The following ITGBL1 variants were observed in gnomAD, a reference collection of about 807,000 sequenced individuals.
The protein encoded by ITGBL1 is integrin beta-like protein 1.
Under a neutral mutation model 68.5 loss-of-function variants are expected in ITGBL1, and 51 were observed. The ratio of observed to expected loss-of-function variants is 0.74; its 90% CI spans 0.59 to 0.94. The LOEUF (loss-of-function observed/expected upper bound fraction) is 0.94. ITGBL1 is among the 40% of genes least tolerant of loss of function. The pLI, the probability that ITGBL1 is intolerant of heterozygous loss-of-function variation, is 0.00. For missense variants in ITGBL1, 649 were observed against 647.4 expected (o/e 1.00, Z -0.03); for synonymous variants, 209 against 227.3 (o/e 0.92, Z 0.72).
At chr13:101,458,850 G>A in intron 2 of ITGBL1, among the ~76,000 whole-genome samples, 1 of 152,172 alleles carries the variant, frequency 6.6e-6, no homozygotes, top group South Asian at 2.1e-4. Flanking sequence ...CAGATATGGA[G>A]GCCCGACCGT....
intron 7 of ITGBL1, among the ~76,000 whole-genome samples, chr13:101,624,242 T>C (rs1322672245): frequency 6.6e-6 from 1 of 152,270 alleles, no homozygotes; most frequent in African/African-American, 2.4e-5. Flanking sequence ...TTTCTGCCGG[T>C]TTCTTTCTGT....
At position 101,671,426 on chromosome 13, in the gene ITGBL1, G is replaced by GTTTTTTTTTTTTTTTT. The variant is rs66501713; in HGVS notation, c.1016-21149_1016-21148insTTTTTTTTTTTTTTTT. Among the ~76,000 whole-genome samples, 43 of 112,636 alleles carry GTTTTTTTTTTTTTTTT rather than the reference G, an allele frequency of 3.8e-4. 10 individuals carry two copies. Among genetic ancestry groups the GTTTTTTTTTTTTTTTT allele is most frequent in the South Asian group, 1.4e-3 (4 of 2,792 alleles). The allele number at this position is 112,636 out of a possible 152,430, so 73.9% of individuals were successfully genotyped here. On this transcript the variant is annotated intron_variant, in intron 7 of 10. Transcript: ENST00000376180. ...AGCTATTTGACAAAAGTATACCTTT[G>GTTTTTTTTTTTTTTTT]TTTTTTTTTTGTTTTTTTTTGTTTT...
chr13:101,697,635 G>A (rs2034033191), intron 8 of ITGBL1, among the ~76,000 whole-genome samples: 1 of 152,156 alleles, frequency 6.6e-6, no homozygotes, highest in Non-Finnish European at 1.5e-5. Context: ...AACTTGGACA[G>A]GTTGTTTGTC....
chr13:101,718,817 G>A (rs553262899), downstream of ITGBL1: 1 of 151,622 alleles, frequency 6.6e-6, no homozygotes, highest in South Asian at 2.1e-4. Context: ...CTCAGCCTTA[G>A]TTTGCAGACT....
chr13:101,526,155 C>CT lies in ITGBL1; in HGVS notation c.317-41530dup, dbSNP rs66790287. On this transcript the variant is annotated intron_variant, in intron 2 of 10. Coordinates refer to ENST00000376180, the MANE Select transcript of ITGBL1 (RefSeq NM_004791.3). ...CTAGTTTCTTCTTCTTCTTCTTCTT[C>CT]TTTTTTTTTTTTTTAAATACTTTAA... Among the ~76,000 whole-genome samples, 700 of 136,554 alleles carry CT rather than the reference C, an allele frequency of 5.1e-3. 22 individuals are homozygous for CT. In the East Asian group the frequency reaches 0.083, roughly 16 times the overall value. 89.6% of individuals were successfully genotyped at this position (136,554 alleles called of 152,430 possible).
chr13:101,485,260 C>T (rs2048684498), intron 2 of ITGBL1, among the ~76,000 whole-genome samples: 1 of 152,134 alleles, frequency 6.6e-6, no homozygotes. Context: ...AAAGATGAAT[C>T]TACACTAAGT....
chr13:101,508,769 C>A (rs551374360), intron 2 of ITGBL1, among the ~76,000 whole-genome samples: 1 of 151,932 alleles, frequency 6.6e-6, no homozygotes, highest in African/African-American at 2.4e-5. Flanking sequence ...AAGTTTTTGT[C>A]CAGAGCTCAG....
intron 2 of ITGBL1, among the ~76,000 whole-genome samples, chr13:101,471,426 G>A (rs187597645): frequency 6.6e-6 from 1 of 152,098 alleles, no homozygotes; most frequent in African/African-American, 2.4e-5. Context: ...TTTCTCTTAG[G>A]TCTTTGTTGT....
At chr13:101,691,489 A>G (rs2033882229) in intron 7 of ITGBL1, among the ~76,000 whole-genome samples, 1 of 152,192 alleles carries the variant, frequency 6.6e-6, no homozygotes, top group Non-Finnish European at 1.5e-5. Context: ...GTGACTAACA[A>G]CATTGCAAGG....
At chr13:101,528,151 G>T (rs533179356) in intron 2 of ITGBL1, among the ~76,000 whole-genome samples, 1 of 150,876 alleles carries the variant, frequency 6.6e-6, no homozygotes, top group African/African-American at 2.4e-5. Flanking sequence ...AATATATATA[G>T]GTTTATTAAT....
rs12184644 is a variant in ITGBL1 at position 101,665,911 on chromosome 13, C to A, written c.1016-26674C>A. Among the ~76,000 whole-genome samples, 171 of 152,282 alleles carry A rather than the reference C, an allele frequency of 1.1e-3. 1 individual carries two copies. The highest frequency in any genetic ancestry group is 3.9e-3 in the African/African-American group (161 of 41,546). Reference sequence around the variant, plus strand: ...TATACTTATGTGAGGATCTGCCCAGCAACTGCCTGCCTAACCTTGGACGGA... The same window carrying A: ...TATACTTATGTGAGGATCTGCCCAGAAACTGCCTGCCTAACCTTGGACGGA... On this transcript the variant is annotated intron_variant, in intron 7 of 10. Transcript: ENST00000376180.
At chr13:101,519,838 A>G (rs2049255956) in intron 2 of ITGBL1, among the ~76,000 whole-genome samples, 1 of 152,138 alleles carries the variant, frequency 6.6e-6, no homozygotes, top group Admixed American at 6.6e-5. Flanking sequence ...ACTGACACTA[A>G]TGCTGTATTC....
chr13:101,591,586 C>T (rs2050655605), intron 6 of ITGBL1, among the ~76,000 whole-genome samples: 1 of 152,048 alleles, frequency 6.6e-6, no homozygotes, highest in Non-Finnish European at 1.5e-5. Flanking sequence ...AAAGCTTCTA[C>T]ATATGTGTAT....
At chr13:101,605,394 GTA>G (rs1332087263) in intron 7 of ITGBL1, among the ~76,000 whole-genome samples, 3 of 77,354 alleles carry the variant, frequency 3.9e-5, no homozygotes, top group African/African-American at 7.3e-5. Flanking sequence ...ATATGGGCAT[GTA>G]TGTGTGTATA....
chr13:101,649,091 A>G (rs887097983), intron 7 of ITGBL1, among the ~76,000 whole-genome samples: 1 of 152,222 alleles, frequency 6.6e-6, no homozygotes, highest in Non-Finnish European at 1.5e-5. Context: ...GAGTATGCAT[A>G]TGAATCAAGA....
At chr13:101,701,205 T>G (rs1223925255) in intron 8 of ITGBL1, among the ~76,000 whole-genome samples, 1 of 152,144 alleles carries the variant, frequency 6.6e-6, no homozygotes, top group African/African-American at 2.4e-5. Flanking sequence ...AGATACCAAC[T>G]TAACTTCGTG....
intron 7 of ITGBL1, among the ~76,000 whole-genome samples, chr13:101,659,267 A>G (rs2033020309): frequency 1.3e-5 from 2 of 152,104 alleles, no homozygotes; most frequent in African/African-American, 2.4e-5. Context: ...TAATATTTCA[A>G]TTGATTTTCT....
Position 101,715,849 on chromosome 13 carries a change from A to G in ITGBL1, c.*195A>G, listed in dbSNP as rs965405921. ...CAAATTTAGATGCAAATAACATTAG[A>G]AAAAAAAGATTCTTCCATAATTAAC... On this transcript the variant is annotated 3_prime_UTR_variant, in exon 11 of 11. Transcript: ENST00000376180. 4.0e-5 allele frequency: 18 copies of G among 452,582 alleles called. No homozygotes were observed. The highest frequency in any genetic ancestry group is 7.0e-5 in the East Asian group (2 of 28,764). 28.0% of individuals were successfully genotyped at this position (452,582 alleles called of 1,614,324 possible).
intron 8 of ITGBL1, among the ~76,000 whole-genome samples, chr13:101,697,876 C>G (rs1052168773): frequency 9.9e-5 from 15 of 152,174 alleles, no homozygotes; most frequent in Non-Finnish European, 1.8e-4. Context: ...ACATCTGTCT[C>G]AGGTATCTGG....
Sources: allele counts gnomAD v4.1 joint callset (sites outside exome capture counted in the v4.1 genomes callset), GRCh38; gene constraint gnomAD v4.1.1; transcripts MANE v1.5; gene names NCBI Gene and HGNC (gene_info 2026-07-23, HGNC 2026-07-21).